The following CHD1L variants were observed in gnomAD, a reference collection of about 807,000 sequenced individuals.
CHD1L encodes ATP-dependent chromatin remodeler CHD1L.
CHD1L carries 118 observed loss-of-function variants against 115.9 expected under a neutral mutation model. That is an observed-to-expected ratio of 1.02 (90% CI 0.88 to 1.19). CHD1L has a LOEUF of 1.19. CHD1L is among the 50% of genes most tolerant of loss of function. The pLI is 0.00. For missense variants in CHD1L, 1,179 were observed against 1,065.3 expected (o/e 1.11, Z -1.49); for synonymous variants, 411 against 387.1 (o/e 1.06, Z -0.72).
In CHD1L at chr1:147,242,765, A is replaced by C. The variant is rs1665120827; in HGVS notation, c.62A>C (p.His21Pro). The change falls in exon 1 of 23, where the codon CAT becomes CCT. Residue 21 changes from histidine (H) to proline (P), a missense_variant. His to Pro is a moderately conservative substitution (Grantham distance 77, BLOSUM62 -2). Transcript: ENST00000369258. The stretch of plus-strand genomic sequence containing the variant: ...GCCCCTGGCTTCTTACTGCGGCTTC[A>C]TACTGAGGGCCGAGCCGAGGCGGCG... Reference protein sequence around the residue: ...GQAPGFLLRLHTEGRAEAARV... With the variant: ...GQAPGFLLRLPTEGRAEAARV... 7.9e-7 allele frequency: 1 copy of C among 1,269,222 alleles called. No individual in the cohort carries two copies. Among genetic ancestry groups the C allele is most frequent in the Non-Finnish European group, 1.0e-6 (1 of 1,000,300 alleles). 78.6% of individuals were successfully genotyped at this position (1,269,222 alleles called of 1,614,324 possible).
the CHD1L span, among the ~76,000 whole-genome samples, chr1:147,187,698 G>C: frequency 0.049 from 7,523 of 152,202 alleles, 194 homozygotes; most frequent in African/African-American, 0.07. Context: ...GACTTCCCAG[G>C]GCCAATGTTA....
chr1:147,290,176 A>T (rs587614476), intron 19 of CHD1L, among the ~76,000 whole-genome samples: 1 of 152,106 alleles, frequency 6.6e-6, no homozygotes, highest in East Asian at 1.9e-4. Context: ...TCCACCTCCC[A>T]GGCTCAGGAA....
chr1:147,262,075 A>G (rs1672136398), intron 6 of CHD1L, among the ~76,000 whole-genome samples: 1 of 151,904 alleles, frequency 6.6e-6, no homozygotes, highest in Non-Finnish European at 1.5e-5. Flanking sequence ...GGGCGCCTGT[A>G]GTCCCAGCTA....
At chr1:147,192,227 A>G in the CHD1L span, among the ~76,000 whole-genome samples, 3 of 152,044 alleles carry the variant, frequency 2.0e-5, no homozygotes, top group Non-Finnish European at 4.4e-5. Flanking sequence ...GGTCCTTCAC[A>G]TCCCTTGTAA....
At chr1:147,181,057 G>A in the CHD1L span, among the ~76,000 whole-genome samples, 56,691 of 152,052 alleles carry the variant, frequency 0.37, 10,989 homozygotes, top group African/African-American at 0.5. Flanking sequence ...TCTTAGAACC[G>A]TAATAATGCT....
chr1:147,242,618 A>AGCGCGCAGTC, upstream of CHD1L: 2 of 1,211,308 alleles, frequency 1.7e-6, no homozygotes, highest in Non-Finnish European at 2.1e-6. Context: ...GGTGGGCCCC[A>AGCGCGCAGTC]GCGCGCAGTC....
chr1:147,239,426 C>T (rs1490259266), upstream of CHD1L, among the ~76,000 whole-genome samples: 1 of 152,166 alleles, frequency 6.6e-6, no homozygotes, highest in African/African-American at 2.4e-5. Context: ...TGAACCCAAC[C>T]TTTGCTTCTT....
At chr1:147,280,477 G>C (rs1441287755) in intron 15 of CHD1L, among the ~76,000 whole-genome samples, 1 of 152,062 alleles carries the variant, frequency 6.6e-6, no homozygotes, top group Non-Finnish European at 1.5e-5. Flanking sequence ...TTTCTCCCTT[G>C]GTTGCAAACA....
At chr1:147,192,759 A>G in the CHD1L span, among the ~76,000 whole-genome samples, 909 of 152,242 alleles carry the variant, frequency 6.0e-3, 4 homozygotes, top group Middle Eastern at 0.01. Flanking sequence ...TTCTGCATCT[A>G]TTGAGATAAT....
chr1:147,196,833 C>A, the CHD1L span, among the ~76,000 whole-genome samples: 5 of 152,144 alleles, frequency 3.3e-5, no homozygotes. Flanking sequence ...AACATGCTTT[C>A]TGTCACCAAA....
chr1:147,255,076 TAGTA>T, intron 3 of CHD1L, 100 bp downstream of exon 3: 1 of 840,450 alleles, frequency 1.2e-6, no homozygotes, highest in Non-Finnish European at 1.8e-6. Flanking sequence ...TTGTCGTAAT[TAGTA>T]AGTTTATTCC....
At chr1:147,174,056 T>A in the CHD1L span, among the ~76,000 whole-genome samples, 1 of 152,246 alleles carries the variant, frequency 6.6e-6, no homozygotes, top group Non-Finnish European at 1.5e-5. Flanking sequence ...ACGTTCATTT[T>A]TATATTATGA....
At chr1:147,237,578 G>C in the CHD1L span, among the ~76,000 whole-genome samples, 1 of 152,168 alleles carries the variant, frequency 6.6e-6, no homozygotes, top group African/African-American at 2.4e-5. Context: ...ACCTGTTCCT[G>C]GTTCCCCCAG....
At chr1:147,259,791 T>C (rs1671302243) in intron 5 of CHD1L, 46 bp from the exon 6 acceptor site, 2 of 1,483,910 alleles carry the variant, frequency 1.3e-6, no homozygotes, top group East Asian at 2.3e-5. Flanking sequence ...TTGTGAAATA[T>C]GTGTTTAAAT....
chr1:147,190,968 A>G, the CHD1L span, among the ~76,000 whole-genome samples: 3 of 152,006 alleles, frequency 2.0e-5, no homozygotes, highest in African/African-American at 4.8e-5. Context: ...TTTGCTGAGA[A>G]TGATGGTTTC....
intron 12 of CHD1L, among the ~76,000 whole-genome samples, chr1:147,274,755 GGTTTT>G (rs1281317537): frequency 4.6e-5 from 7 of 151,992 alleles, no homozygotes; most frequent in Non-Finnish European, 8.8e-5. Context: ...TCTTGCCGTT[GGTTTT>G]GTTACTTTCT....
intron 19 of CHD1L, among the ~76,000 whole-genome samples, chr1:147,288,021 A>T (rs1350061859): frequency 6.6e-6 from 1 of 152,178 alleles, no homozygotes; most frequent in Admixed American, 6.5e-5. Flanking sequence ...TGATCCCTGC[A>T]TACATGTTAA....
the CHD1L span, among the ~76,000 whole-genome samples, chr1:147,235,087 C>CTG: frequency 0.082 from 12,000 of 146,058 alleles, 614 homozygotes; most frequent in African/African-American, 0.15. Flanking sequence ...ATATCCCACA[C>CTG]TGTGTGTGTG....
At chr1:147,183,763 GA>G in the CHD1L span, among the ~76,000 whole-genome samples, 1 of 152,144 alleles carries the variant, frequency 6.6e-6, no homozygotes, top group Non-Finnish European at 1.5e-5. Context: ...TAAAAGCATG[GA>G]AAAACTTGGC....
Sources: allele counts gnomAD v4.1 joint callset (sites outside exome capture counted in the v4.1 genomes callset), GRCh38; gene constraint gnomAD v4.1.1; transcripts MANE v1.5; gene names NCBI Gene and HGNC (gene_info 2026-07-23, HGNC 2026-07-21).